Variants in UBE2E2 observed in about 807,000 individuals in gnomAD.
UBE2E2 encodes the protein ubiquitin conjugating enzyme E2 E2.
Under a neutral mutation model 24.7 loss-of-function variants are expected in UBE2E2, and 6 were observed. The ratio of observed to expected loss-of-function variants is 0.24; its 90% CI spans 0.13 to 0.48. The LOEUF is 0.48. Among genes scored for constraint, UBE2E2 ranks in the 20% least tolerant of loss-of-function variants. The pLI is 0.99. For missense variants in UBE2E2, 169 were observed against 245.0 expected, an observed-to-expected ratio of 0.69 and a Z score of 2.07; for synonymous variants, 104 against 83.6, an observed-to-expected ratio of 1.24 and a Z score of -1.33.
chr3:23,210,959 C>T (rs891389124), intron 2 of UBE2E2, among the ~76,000 whole-genome samples: 39 of 152,218 alleles, frequency 2.6e-4, no homozygotes, highest in Admixed American at 4.6e-4. Flanking sequence ...ACCTTATTTT[C>T]CCCTCTCTCT....
chr3:23,492,786 A>G (rs1028211948), intron 3 of UBE2E2, among the ~76,000 whole-genome samples: 3 of 152,106 alleles, frequency 2.0e-5, no homozygotes, highest in South Asian at 2.1e-4. Flanking sequence ...AAACCTCCCA[A>G]TAACCTCCCA....
chr3:23,467,667 C>T (rs373109278), intron 3 of UBE2E2, among the ~76,000 whole-genome samples: 2 of 152,094 alleles, frequency 1.3e-5, no homozygotes, highest in Admixed American at 6.5e-5. Flanking sequence ...GGTTATGTAA[C>T]CCCACCATTT....
intron 3 of UBE2E2, among the ~76,000 whole-genome samples, chr3:23,331,767 T>A (rs765954650): frequency 6.6e-6 from 1 of 152,060 alleles, no homozygotes; most frequent in Non-Finnish European, 1.5e-5. Flanking sequence ...ATGAATCCCG[T>A]AGGATATGGT....
chr3:23,330,643 A>G (rs990180042), intron 3 of UBE2E2, among the ~76,000 whole-genome samples: 5 of 152,224 alleles, frequency 3.3e-5, no homozygotes, highest in African/African-American at 1.2e-4. Flanking sequence ...TGACCCCTTC[A>G]TTGTCCAGCA....
intron 3 of UBE2E2, among the ~76,000 whole-genome samples, chr3:23,299,298 A>T (rs551058020): frequency 6.6e-6 from 1 of 151,878 alleles, no homozygotes; most frequent in South Asian, 2.1e-4. Context: ...TTCTGCTCTG[A>T]TTTTAGTTAT....
chr3:23,403,584 G>T (rs977175934), intron 3 of UBE2E2, among the ~76,000 whole-genome samples: 2 of 152,188 alleles, frequency 1.3e-5, no homozygotes, highest in Non-Finnish European at 2.9e-5. Flanking sequence ...ACTTAGGGAG[G>T]CCAAGGCGAG....
chr3:23,340,308 G>C (rs952566947), intron 3 of UBE2E2, among the ~76,000 whole-genome samples: 1 of 152,070 alleles, frequency 6.6e-6, no homozygotes, highest in East Asian at 1.9e-4. Context: ...CTAAAATACA[G>C]AGTATTTATA....
chr3:23,442,486 T>C (rs1024746032), intron 3 of UBE2E2, among the ~76,000 whole-genome samples: 3 of 152,174 alleles, frequency 2.0e-5, no homozygotes, highest in African/African-American at 7.2e-5. Context: ...TAAAGCATTT[T>C]TATGAACTCT....
intron 5 of UBE2E2, among the ~76,000 whole-genome samples, chr3:23,563,184 C>T (rs1435863715): frequency 1.3e-5 from 2 of 152,246 alleles, no homozygotes; most frequent in South Asian, 2.1e-4. Flanking sequence ...TTAGATCTTT[C>T]CTGCTTTCTC....
intron 3 of UBE2E2, among the ~76,000 whole-genome samples, chr3:23,478,200 C>T (rs1419152616): frequency 6.6e-6 from 1 of 152,186 alleles, no homozygotes; most frequent in Non-Finnish European, 1.5e-5. Flanking sequence ...TATTATGTGG[C>T]AGACATCATC....
chr3:23,257,097 G>A (rs191023348), intron 3 of UBE2E2, among the ~76,000 whole-genome samples: 48 of 152,312 alleles, frequency 3.2e-4, no homozygotes, highest in Admixed American at 1.2e-3. Context: ...TTCTCTGGAT[G>A]GATGTAGCTT....
intron 3 of UBE2E2, among the ~76,000 whole-genome samples, chr3:23,302,562 A>G (rs1368357250): frequency 5.9e-5 from 9 of 152,208 alleles, no homozygotes; most frequent in Non-Finnish European, 1.5e-5. Flanking sequence ...TGAGTGCTGA[A>G]TAGCTTATCA....
chr3:23,483,550 T>C (rs1309706331), intron 3 of UBE2E2, among the ~76,000 whole-genome samples: 3 of 152,236 alleles, frequency 2.0e-5, no homozygotes, highest in African/African-American at 7.2e-5. Flanking sequence ...GTGAATATTC[T>C]TATGTGGATT....
At chr3:23,437,855 G>A (rs921056999) in intron 3 of UBE2E2, among the ~76,000 whole-genome samples, 7 of 152,266 alleles carry the variant, frequency 4.6e-5, no homozygotes, top group Middle Eastern at 3.4e-3. Flanking sequence ...CAGGACAGGT[G>A]GCCACTTATT....
intron 3 of UBE2E2, among the ~76,000 whole-genome samples, chr3:23,218,383 T>G (rs972249809): frequency 4.6e-5 from 7 of 152,076 alleles, no homozygotes; most frequent in Non-Finnish European, 8.8e-5. Flanking sequence ...CCTAAGACTT[T>G]TTGTCACTCT....
rs928199946 is a variant in UBE2E2, at chr3:23,531,926, G to A, written c.361-628G>A. On this transcript the variant is annotated intron_variant, in intron 4 of 5. Coordinates refer to ENST00000396703, the MANE Select transcript of UBE2E2 (RefSeq NM_152653.4). The stretch of plus-strand genomic sequence containing the variant: ...AAAATACAAAAATTAGCTGGGTGTG[G>A]TGGCGGGCACCTCTAATCCCAGCTA... Among the ~76,000 whole-genome samples, 12 of 151,972 alleles carry A rather than the reference G, an allele frequency of 7.9e-5. No individual in the cohort carries two copies. The East Asian group carries it at 2.1e-3, about 27-fold the overall frequency.
At chr3:23,208,602 A>G (rs1696218136) in intron 1 of UBE2E2, 90 bp from the exon 2 acceptor site, 1 of 1,012,334 alleles carries the variant, frequency 9.9e-7, no homozygotes. Context: ...ATTGAGATTT[A>G]CTTGTTTTAC....
At chr3:23,305,288 T>C (rs760521775) in intron 3 of UBE2E2, among the ~76,000 whole-genome samples, 3 of 152,240 alleles carry the variant, frequency 2.0e-5, no homozygotes, top group Non-Finnish European at 2.9e-5. Flanking sequence ...TTAACAGGTA[T>C]ACAAATGCTT....
intron 4 of UBE2E2, among the ~76,000 whole-genome samples, chr3:23,522,781 T>A (rs2125476576): frequency 6.6e-6 from 1 of 152,350 alleles, no homozygotes; most frequent in South Asian, 2.1e-4. Flanking sequence ...TATTGCCTTA[T>A]GTTTTGGCAT....
Sources: gnomAD v4.1 joint callset for allele counts (sites outside exome capture counted in the v4.1 genomes callset) on GRCh38, gnomAD v4.1.1 for gene constraint, MANE v1.5 for transcripts, NCBI Gene and HGNC (gene_info 2026-07-23, HGNC 2026-07-21) for gene names.